The following RIMS2 variants were observed in gnomAD, a reference collection of about 807,000 sequenced individuals.
RIMS2 encodes regulating synaptic membrane exocytosis protein 2.
A neutral mutation model predicts 174.4 loss-of-function variants in RIMS2; 59 were observed. The observed-to-expected ratio is 0.34, with a 90% confidence interval of 0.27 to 0.42. The LOEUF is 0.42. RIMS2 is among the 10% of genes least tolerant of loss of function. The probability of loss-of-function intolerance (pLI) is 1.00; values close to 1 mark genes in which losing one functional copy is unlikely to be tolerated. For synonymous variants in RIMS2, 606 were observed against 572.5 expected, an observed-to-expected ratio of 1.06 and a Z score of -0.84; for missense variants, 1,620 against 1,666.3, an observed-to-expected ratio of 0.97 and a Z score of 0.48.
intron 3 of RIMS2, among the ~76,000 whole-genome samples, chr8:103,808,482 T>C (rs951620158): frequency 6.6e-6 from 1 of 152,170 alleles, no homozygotes; most frequent in East Asian, 1.9e-4. Flanking sequence ...TAAAGTTATA[T>C]CTTCAGTTGA....
At chr8:103,778,764 A>G (rs2098348569) in intron 3 of RIMS2, among the ~76,000 whole-genome samples, 1 of 152,122 alleles carries the variant, frequency 6.6e-6, no homozygotes, top group South Asian at 2.1e-4. Context: ...TTGGATGTAT[A>G]CTCAGTAGTG....
intron 2 of RIMS2, among the ~76,000 whole-genome samples, chr8:103,751,159 C>T (rs1458543591): frequency 2.0e-5 from 3 of 151,922 alleles, no homozygotes; most frequent in Admixed American, 1.3e-4. Flanking sequence ...GTAAATTGCC[C>T]CATCTCAGTT....
intron 19 of RIMS2, among the ~76,000 whole-genome samples, chr8:104,029,875 A>C (rs1355332190): frequency 6.6e-6 from 1 of 152,160 alleles, no homozygotes; most frequent in Non-Finnish European, 1.5e-5. Flanking sequence ...CGTAGATAAC[A>C]AAAAGTGTAG....
chr8:103,930,414 T>C (rs944608690), intron 11 of RIMS2, among the ~76,000 whole-genome samples: 1 of 152,102 alleles, frequency 6.6e-6, no homozygotes, highest in Non-Finnish European at 1.5e-5. Flanking sequence ...TGGTTAGGTA[T>C]GTGCTGAGTT....
In RIMS2 at chr8:104,166,412, TAA is replaced by T. The variant is rs376402924; in HGVS notation, c.3335-78503_3335-78502del. Among the ~76,000 whole-genome samples the T allele has an allele frequency of 1.2e-3, 188 of 152,194 alleles. 1 individual carries two copies. In the East Asian group the frequency reaches 0.022, roughly 18 times the overall value. On this transcript the variant is annotated intron_variant, in intron 19 of 23. Coordinates refer to ENST00000504942, the Ensembl canonical transcript of RIMS2. ...GTAATTTGAGCCAGACTTCAAAGAA[TAA>T]GTCATATTTCAATGAAATGAGATAG...
At chr8:103,649,417 C>G (rs934964643) in intron 1 of RIMS2, among the ~76,000 whole-genome samples, 2 of 151,868 alleles carry the variant, frequency 1.3e-5, no homozygotes, top group African/African-American at 4.8e-5. Flanking sequence ...TATTATGTGT[C>G]TTGGGGTTGA....
At chr8:104,189,781 G>A (rs1034438223) in intron 19 of RIMS2, among the ~76,000 whole-genome samples, 8 of 151,474 alleles carry the variant, frequency 5.3e-5, no homozygotes, top group East Asian at 1.9e-4. Flanking sequence ...ATTAAATTAC[G>A]AAGTAAACCA....
intron 2 of RIMS2, among the ~76,000 whole-genome samples, chr8:103,721,051 A>G (rs1391332891): frequency 6.6e-6 from 1 of 152,120 alleles, no homozygotes; most frequent in Non-Finnish European, 1.5e-5. Context: ...TGGATCCTTC[A>G]TGAATGGTTT....
At chr8:103,874,062 C>A (rs746983946) in intron 3 of RIMS2, among the ~76,000 whole-genome samples, 25 of 151,968 alleles carry the variant, frequency 1.6e-4, no homozygotes, top group Admixed American at 1.1e-3. Context: ...TGTAAAGCGA[C>A]CTAGAACCTA....
chr8:103,722,726 A>G (rs1446814420), intron 2 of RIMS2, among the ~76,000 whole-genome samples: 2 of 152,208 alleles, frequency 1.3e-5, no homozygotes, highest in Admixed American at 6.5e-5. Context: ...GGTATCCTTG[A>G]TCTAATAGGT....
chr8:104,194,858 C>G (rs77701214), intron 19 of RIMS2, among the ~76,000 whole-genome samples: 13,263 of 152,136 alleles, frequency 0.087, 714 homozygotes, highest in African/African-American at 0.14. Flanking sequence ...AGAGGACATG[C>G]CAGGTACCCC....
rs1292972411 is a variant in RIMS2 at position 103,623,427 on chromosome 8, G to A, written c.177-73659G>A. On this transcript the variant is annotated intron_variant, in intron 1 of 23. Transcript: ENST00000504942. ...GGCAAATAATTGGCTCTCAATAAATGTTGAATCATTTCCTTGGTACAGACA... is the reference window on the plus strand; with the variant it reads ...GGCAAATAATTGGCTCTCAATAAATATTGAATCATTTCCTTGGTACAGACA... Among the ~76,000 whole-genome samples, 4 of 146,084 alleles carry A rather than the reference G, an allele frequency of 2.7e-5. No homozygotes were observed. In the East Asian group the frequency reaches 8.2e-4, roughly 30 times the overall value.
At chr8:104,188,269 AGATG>A (rs71297264) in intron 19 of RIMS2, among the ~76,000 whole-genome samples, 15,757 of 121,814 alleles carry the variant, frequency 0.13, 1,103 homozygotes, top group East Asian at 0.21. Context: ...ATAGATAGAT[AGATG>A]GATGAAGTAT....
intron 19 of RIMS2, among the ~76,000 whole-genome samples, chr8:104,210,995 T>G (rs532885982): frequency 6.6e-6 from 1 of 152,344 alleles, no homozygotes; most frequent in South Asian, 2.1e-4. Flanking sequence ...TTCCTCTTCA[T>G]GTTGGACATT....
At chr8:104,223,444 C>G in intron 19 of RIMS2, 2 of 1,369,878 alleles carry the variant, frequency 1.5e-6, no homozygotes, top group Non-Finnish European at 1.9e-6. Context: ...CTCCTCTGGA[C>G]CCCTCTCCAA....
intron 1 of RIMS2, among the ~76,000 whole-genome samples, chr8:103,614,404 G>A (rs918132807): frequency 1.3e-5 from 2 of 152,254 alleles, no homozygotes; most frequent in African/African-American, 2.4e-5. Context: ...GCCTTTGCTA[G>A]TGCATTGGAG....
intron 2 of RIMS2, among the ~76,000 whole-genome samples, chr8:103,716,760 G>C (rs997390804): frequency 1.7e-4 from 26 of 151,958 alleles, no homozygotes; most frequent in Non-Finnish European, 3.7e-4. Context: ...ATTTTCTGAA[G>C]TATATATTTG....
At chr8:103,595,826 G>A (rs573665884) in intron 1 of RIMS2, among the ~76,000 whole-genome samples, 3 of 151,950 alleles carry the variant, frequency 2.0e-5, no homozygotes, top group Non-Finnish European at 2.9e-5. Flanking sequence ...GAAGAAATGA[G>A]GACTTCCTCT....
intron 19 of RIMS2, among the ~76,000 whole-genome samples, chr8:104,057,566 T>G (rs955848786): frequency 2.0e-5 from 3 of 151,952 alleles, no homozygotes; most frequent in Non-Finnish European, 2.9e-5. Context: ...TTTTATTTTA[T>G]TTTATTTTAT....
Sources: gnomAD v4.1 joint callset for allele counts (sites outside exome capture counted in the v4.1 genomes callset) on GRCh38, gnomAD v4.1.1 for gene constraint, MANE v1.5 for transcripts, NCBI Gene and HGNC (gene_info 2026-07-23, HGNC 2026-07-21) for gene names.